EDNRB: variants seen among roughly 807,000 people sequenced by gnomAD.
EDNRB encodes Hirschsprung disease 2.
Under a neutral mutation model 46.4 loss-of-function variants are expected in EDNRB, and 18 were observed. That is an observed-to-expected ratio of 0.39 (90% CI 0.27 to 0.57). EDNRB has a LOEUF of 0.57. EDNRB is among the 20% of genes least tolerant of loss of function. The probability of loss-of-function intolerance (pLI) is 0.61; values close to 1 mark genes in which losing one functional copy is unlikely to be tolerated. For synonymous variants in EDNRB, 213 were observed against 204.9 expected, an observed-to-expected ratio of 1.04 and a Z score of -0.34; for missense variants, 434 against 537.5, an observed-to-expected ratio of 0.81 and a Z score of 1.90.
chr13:77,938,882 G>A (rs1350241225), intron 1 of EDNRB, among the ~76,000 whole-genome samples: 1 of 152,198 alleles, frequency 6.6e-6, no homozygotes, highest in East Asian at 1.9e-4. Flanking sequence ...CTGAGGACCC[G>A]AGGTCATAGG....
At chr13:77,933,391 G>A (rs1000444083) in intron 1 of EDNRB, among the ~76,000 whole-genome samples, 38 of 152,300 alleles carry the variant, frequency 2.5e-4, no homozygotes, top group Non-Finnish European at 3.8e-4. Flanking sequence ...ACAGTCAAAG[G>A]GGGGTTGTTC....
intron 1 of EDNRB, among the ~76,000 whole-genome samples, chr13:77,953,245 A>T (rs549490765): frequency 6.6e-6 from 1 of 152,152 alleles, no homozygotes; most frequent in African/African-American, 2.4e-5. Context: ...TATTCAAATG[A>T]CCAGTTCCTG....
At chr13:77,918,978 C>T, upstream of EDNRB, 1 of 1,020,662 alleles carries the variant, frequency 9.8e-7, no homozygotes, top group Non-Finnish European at 1.2e-6. This position sits in a 1 kb window ranked among gnomAD's most constrained non-coding sequence, Gnocchi z 4.5. Context: ...CTTAGTTAAG[C>T]GTGCGTGGGA....
upstream of EDNRB, chr13:77,919,232 G>T (rs1022220435): frequency 6.7e-6 from 5 of 746,940 alleles, no homozygotes; most frequent in Non-Finnish European, 1.0e-5. Context: ...CCTCCAAACG[G>T]CTTCAAACAC....
At chr13:77,958,167 A>C (rs1881294561) in intron 1 of EDNRB, among the ~76,000 whole-genome samples, 1 of 152,166 alleles carries the variant, frequency 6.6e-6, no homozygotes, top group Non-Finnish European at 1.5e-5. Flanking sequence ...GGGAGTTCAC[A>C]TGTCAGAGAT....
In EDNRB at chr13:77,900,922, T is replaced by G. The variant is rs1204617097; in HGVS notation, c.951+136A>C. On this transcript the variant is annotated intron_variant, in intron 4 of 6. Coordinates refer to ENST00000646607, the MANE Select transcript of EDNRB (RefSeq NM_001122659.3). ...AATATAAAAATATTCTTTATCTATTTAAAACTACCAGAAACAAGAAAAAGG... is the reference window on the plus strand; with the variant it reads ...AATATAAAAATATTCTTTATCTATTGAAAACTACCAGAAACAAGAAAAAGG... 2.8e-6 allele frequency: 3 copies of G among 1,088,124 alleles called. No individual in the cohort carries two copies. In the Admixed American group the frequency reaches 7.6e-5, roughly 28 times the overall value. The allele number at this position is 1,088,124 out of a possible 1,614,324, so 67.4% of individuals were successfully genotyped here.
rs199970488 is a variant in EDNRB, at chr13:77,897,634, C to T, written c.*566G>A. ...GCCTTGCTCTTTCTGTTACTCCCTC[C>T]TGATCATTTAAATGTTTCCAGTGTC... On this transcript the variant is annotated 3_prime_UTR_variant, in exon 7 of 7. Transcript: ENST00000646607. The T allele has an allele frequency of 1.4e-5, 14 of 986,606 alleles. No homozygotes were observed. The South Asian group carries it at 6.1e-4, about 43-fold the overall frequency. 61.1% of individuals were successfully genotyped at this position (986,606 alleles called of 1,614,324 possible).
intron 1 of EDNRB, among the ~76,000 whole-genome samples, chr13:77,927,969 C>G (rs1262521649): frequency 1.3e-5 from 2 of 152,194 alleles, no homozygotes; most frequent in Non-Finnish European, 2.9e-5. Flanking sequence ...TTCACCTACA[C>G]AAGCTCTCTT....
chr13:77,932,531 T>C (rs1380834775), intron 1 of EDNRB, among the ~76,000 whole-genome samples: 2 of 152,178 alleles, frequency 1.3e-5, no homozygotes, highest in Non-Finnish European at 2.9e-5. Flanking sequence ...ATGGTAATAA[T>C]ACTGAGGCTC....
intron 1 of EDNRB, among the ~76,000 whole-genome samples, chr13:77,964,328 CAT>C (rs1881516813): frequency 6.6e-6 from 1 of 152,102 alleles, no homozygotes; most frequent in African/African-American, 2.4e-5. Flanking sequence ...TATAAAGACA[CAT>C]ATGTTTATTG....
chr13:77,898,431 A>G, intron 6 of EDNRB, 97 bp from the exon 7 acceptor site: 1 of 1,559,710 alleles, frequency 6.4e-7, no homozygotes, highest in Non-Finnish European at 8.7e-7. Flanking sequence ...TATGATTAGG[A>G]GTTCTTGGGC....
intron 1 of EDNRB, among the ~76,000 whole-genome samples, chr13:77,932,048 TAA>T (rs5804946): frequency 9.6e-4 from 138 of 143,992 alleles, no homozygotes; most frequent in Non-Finnish European, 1.3e-3. Flanking sequence ...GGTGAATTAT[TAA>T]AAAAAAAAAA....
At chr13:77,944,602 C>T (rs1252480202) in intron 1 of EDNRB, among the ~76,000 whole-genome samples, 4 of 151,774 alleles carry the variant, frequency 2.6e-5, no homozygotes, top group African/African-American at 7.3e-5. Context: ...ATAATAGAGG[C>T]GTACATAAAG....
At chr13:77,947,145 A>G (rs1880946245) in intron 1 of EDNRB, among the ~76,000 whole-genome samples, 1 of 152,234 alleles carries the variant, frequency 6.6e-6, no homozygotes. Flanking sequence ...GCCCTTTATT[A>G]TAATGACCAC....
chr13:77,927,433 C>A (rs533746692), intron 1 of EDNRB, among the ~76,000 whole-genome samples: 9 of 152,192 alleles, frequency 5.9e-5, no homozygotes, highest in African/African-American at 2.2e-4. Flanking sequence ...TGTCTAGGAA[C>A]TAGAACAAAG....
At chr13:77,933,074 G>T (rs1880448578) in intron 1 of EDNRB, among the ~76,000 whole-genome samples, 1 of 152,134 alleles carries the variant, frequency 6.6e-6, no homozygotes, top group South Asian at 2.1e-4. Flanking sequence ...TGAAATCTCT[G>T]CAAATATCCT....
At chr13:77,964,390 A>G (rs930640989) in intron 1 of EDNRB, among the ~76,000 whole-genome samples, 4 of 152,206 alleles carry the variant, frequency 2.6e-5, no homozygotes, top group Non-Finnish European at 1.5e-5. Flanking sequence ...AATGTCCATC[A>G]ATGATAGACT....
intron 1 of EDNRB, among the ~76,000 whole-genome samples, chr13:77,949,336 G>A (rs936562549): frequency 1.3e-5 from 2 of 152,146 alleles, no homozygotes; most frequent in African/African-American, 2.4e-5. Flanking sequence ...GATAGAGCTT[G>A]GTACTGCCCA....
rs1878727882 is a variant in EDNRB at position 77,898,119 on chromosome 13, T to G, written c.*81A>C. 6 of 1,562,314 alleles carry G rather than the reference T, an allele frequency of 3.8e-6. No homozygotes were observed. The Admixed American group carries it at 7.3e-5, about 19-fold the overall frequency. On this transcript the variant is annotated 3_prime_UTR_variant, in exon 7 of 7. Transcript: ENST00000646607. ...CTGTGCAAATACATAGTTTTTTGTTTTGTTTTGGCAAATGTTTCATTTTGT... is the reference window on the plus strand; with the variant it reads ...CTGTGCAAATACATAGTTTTTTGTTGTGTTTTGGCAAATGTTTCATTTTGT...
Sources: allele counts gnomAD v4.1 joint callset (sites outside exome capture counted in the v4.1 genomes callset), GRCh38; gene constraint gnomAD v4.1.1; non-coding constraint Gnocchi (gnomAD v3.1); transcripts MANE v1.5; gene names NCBI Gene and HGNC (gene_info 2026-07-23, HGNC 2026-07-21).